EHD2: variants seen among roughly 807,000 people sequenced by gnomAD.
EHD2 encodes the protein EH domain containing 2, also known as EH domain-containing protein 2.
Under a neutral mutation model 41.0 loss-of-function variants are expected in EHD2, and 27 were observed. The observed-to-expected ratio is 0.66, with a 90% CI of 0.49 to 0.91. The LOEUF (loss-of-function observed/expected upper bound fraction) is 0.91. Ranked by LOEUF, EHD2 falls within the 40% of genes least tolerant of loss-of-function variation. EHD2 has a pLI of 0.00. For missense variants in EHD2, 673 were observed against 773.9 expected (o/e 0.87, Z 1.55); for synonymous variants, 342 against 341.0 (o/e 1.00, Z -0.03).
chr19:47,736,228 A>C, intron 4 of EHD2, 141 bp from the exon 5 acceptor site: 1 of 707,708 alleles, frequency 1.4e-6, no homozygotes, highest in Non-Finnish European at 2.2e-6. Context: ...AGAGAGAAAA[A>C]GAAATAAAAG....
At position 47,737,047 on chromosome 19, in the gene EHD2, C is replaced by T. The variant is rs184581806; in HGVS notation, c.1080+514C>T. On this transcript the variant is annotated intron_variant, in intron 5 of 5. Transcript: ENST00000263277. The stretch of plus-strand genomic sequence containing the variant: ...CAGATCAAGACCATCCTGGCTAACA[C>T]GGTGAAACCCCGTCTCTACTAAAAA... Among the ~76,000 whole-genome samples, 243 of 151,634 alleles carry T rather than the reference C, an allele frequency of 1.6e-3. 2 individuals carry two copies. The highest frequency in any genetic ancestry group is 0.015 in the East Asian group (77 of 5,098).
chr19:47,718,339 G>A (rs1437539901), intron 2 of EHD2, among the ~76,000 whole-genome samples, 170 bp from the exon 3 acceptor site: 2 of 151,598 alleles, frequency 1.3e-5, no homozygotes, highest in African/African-American at 4.9e-5. Context: ...CATGAGCTGT[G>A]GCTGGTTATA....
chr19:47,715,203 G>T (rs183378684), intron 1 of EHD2, among the ~76,000 whole-genome samples: 12 of 152,056 alleles, frequency 7.9e-5, no homozygotes, highest in Admixed American at 1.3e-4. Flanking sequence ...TATTTTTCTT[G>T]TTAACACCCA....
At chr19:47,724,991 A>C (rs1973734971) in intron 3 of EHD2, among the ~76,000 whole-genome samples, 3 of 47,190 alleles carry the variant, frequency 6.4e-5, no homozygotes, top group Non-Finnish European at 1.3e-4. Context: ...CAAAAAAAAA[A>C]AAAAAAAAAA....
At position 47,741,048 on chromosome 19, in the gene EHD2, C is replaced by T. The variant is rs1302475670; in HGVS notation, c.1248C>T (p.Gly416=). The change falls in exon 6 of 6, where the codon GGC becomes GGT. Residue 416 remains glycine, a synonymous_variant. Coordinates refer to ENST00000263277, the MANE Select transcript of EHD2 (RefSeq NM_014601.4). The surrounding 1 kb of genome is among the most constrained non-coding windows in gnomAD (Gnocchi z 4.5). ...EVGVQGGAFE[G]THMGPFVERG... ...GCGTGCAGGGGGGCGCTTTTGAGGG[C>T]ACCCACATGGGCCCGTTTGTGGAGC... 3.1e-6 allele frequency: 5 copies of T among 1,609,594 alleles called. No individual in the cohort carries two copies. Among genetic ancestry groups the T allele is most frequent in the Non-Finnish European group, 4.2e-6 (5 of 1,179,546 alleles).
chr19:47,731,286 A>ATATATATATG lies in EHD2; in HGVS notation c.915+5071_915+5072insGTATATATAT, dbSNP rs1476703933. The ATATATATATG allele has an allele frequency of 6.8e-5, 6 of 88,012 alleles. 1 individual carries two copies. Among genetic ancestry groups the ATATATATATG allele is most frequent in the Non-Finnish European group, 1.1e-4 (4 of 36,732 alleles). 5.5% of individuals were successfully genotyped at this position (88,012 alleles called of 1,614,324 possible). The stretch of plus-strand genomic sequence containing the variant: ...ATTCTTTAAAAAAAAAAAAATATAT[A>ATATATATATG]TATATATATATATATACATATATAT... On this transcript the variant is annotated intron_variant, in intron 4 of 5. Coordinates refer to ENST00000263277, the MANE Select transcript of EHD2 (RefSeq NM_014601.4).
chr19:47,741,018 G>C lies in EHD2; in HGVS notation c.1218G>C (p.Glu406Asp), dbSNP rs376115359. The C allele has an allele frequency of 6.2e-7, 1 of 1,610,586 alleles. No homozygotes were observed. The highest frequency in any genetic ancestry group is 1.7e-5 in the Admixed American group (1 of 59,924). The part of the protein sequence containing the change: ...LLRQEELEST[E>D]VGVQGGAFEG... Reference sequence around the variant, plus strand: ...GGCAGGAGGAGCTGGAGAGCACCGAGGTGGGCGTGCAGGGGGGCGCTTTTG... The same window carrying C: ...GGCAGGAGGAGCTGGAGAGCACCGACGTGGGCGTGCAGGGGGGCGCTTTTG... Residue 406 changes from glutamate (E) to aspartate (D), a missense_variant, in exon 6 of 6, where the codon GAG becomes GAC. Physicochemically the swap from Glu to Asp is conservative, Grantham distance 45. Coordinates refer to ENST00000263277, the MANE Select transcript of EHD2 (RefSeq NM_014601.4). The surrounding 1 kb of genome is among the most constrained non-coding windows in gnomAD (Gnocchi z 4.5).
chr19:47,718,653 CTGG>C lies in EHD2; in HGVS notation c.502+48_502+50del, dbSNP rs1237960556. ...GGTCTGAGGGAGGAGGGGCTGGGGC[CTGG>C]ACTCCTGGGTCTGAGGGAGGAGGGA... On this transcript the variant is annotated intron_variant, in intron 3 of 5. Transcript: ENST00000263277. The C allele has an allele frequency of 4.0e-6, 6 of 1,514,618 alleles. No individual in the cohort carries two copies. In the African/African-American group the frequency reaches 8.5e-5, roughly 21 times the overall value. The allele number at this position is 1,514,618 out of a possible 1,614,324, so 93.8% of individuals were successfully genotyped here.
intron 4 of EHD2, among the ~76,000 whole-genome samples, chr19:47,732,738 T>C (rs553625956): frequency 1.1e-4 from 16 of 152,280 alleles, no homozygotes; most frequent in South Asian, 1.0e-3. Context: ...CTATAAAATA[T>C]AGACATACCA....
chr19:47,713,785 A>T (rs1490891305), intron 1 of EHD2, among the ~76,000 whole-genome samples: 1 of 137,842 alleles, frequency 7.3e-6, no homozygotes, highest in Non-Finnish European at 1.6e-5. Context: ...AGTCTCCTCC[A>T]TCCTCCCCCA....
In EHD2 at chr19:47,736,410, C is replaced by T. The variant is rs369898716; in HGVS notation, c.957C>T (p.Pro319=). ...YIISYLKKEM[P]SVFGKENKKK... ...TCAGCTACCTGAAGAAGGAGATGCC[C>T]TCTGTGTTTGGGAAGGAGAACAAGA... The change falls in exon 5 of 6, where the codon CCC becomes CCT. Residue 319 remains proline, a synonymous_variant. Transcript: ENST00000263277. 2 of 1,613,396 alleles carry T rather than the reference C, an allele frequency of 1.2e-6. No individual in the cohort carries two copies. Among genetic ancestry groups the T allele is most frequent in the Admixed American group, 3.3e-5 (2 of 59,878 alleles).
chr19:47,734,216 T>A (rs1966899019), intron 4 of EHD2, among the ~76,000 whole-genome samples: 1 of 151,956 alleles, frequency 6.6e-6, no homozygotes, highest in South Asian at 2.1e-4. Flanking sequence ...GTGCCTGTAG[T>A]CCCAGCTACT....
intron 1 of EHD2, among the ~76,000 whole-genome samples, chr19:47,715,741 A>G (rs1973618370): frequency 6.6e-6 from 1 of 151,898 alleles, no homozygotes; most frequent in Non-Finnish European, 1.5e-5. Context: ...CAACCATGTC[A>G]CCATTAATCT....
intron 5 of EHD2, 78 bp downstream of exon 5, chr19:47,736,611 C>G: frequency 6.8e-7 from 1 of 1,467,252 alleles, no homozygotes; most frequent in Non-Finnish European, 9.1e-7. Flanking sequence ...GATGGGACCT[C>G]AAAAGCCAGA....
rs1388196227 is a variant in EHD2 at position 47,737,779 on chromosome 19, T to C, written c.1080+1246T>C. 3.9e-5 allele frequency among the ~76,000 whole-genome samples: 6 copies of C among 151,964 alleles called. No homozygotes were observed. In the East Asian group the frequency reaches 5.8e-4, roughly 15 times the overall value. On this transcript the variant is annotated intron_variant, in intron 5 of 5. Coordinates refer to ENST00000263277, the MANE Select transcript of EHD2 (RefSeq NM_014601.4). ...AGGCTGGAGTGCAATGGGGTGATCA[T>C]AGCTCACTGTGTACTTGAACTCCTG... is the stretch of plus-strand genomic sequence containing the variant.
At chr19:47,728,568 TTTC>T (rs905154122) in intron 4 of EHD2, among the ~76,000 whole-genome samples, 6 of 140,712 alleles carry the variant, frequency 4.3e-5, no homozygotes, top group East Asian at 3.9e-4. Flanking sequence ...TTTTTCTTTC[TTTC>T]TTTTTTTTTT....
chr19:47,735,890 C>G (rs1336737318), intron 4 of EHD2, among the ~76,000 whole-genome samples: 2 of 135,734 alleles, frequency 1.5e-5, no homozygotes, highest in Admixed American at 1.6e-4. Flanking sequence ...GGCAACAGAG[C>G]GAGACTCTGT....
Position 47,742,017 on chromosome 19 carries a change from C to A in EHD2, c.*585C>A. ...CCATCACATCCTCAGGTCTCGGGAC[C>A]ATGGGGGGCTCAGAGGGGAGACACA... On this transcript the variant is annotated 3_prime_UTR_variant, in exon 6 of 6. Coordinates refer to ENST00000263277, the MANE Select transcript of EHD2 (RefSeq NM_014601.4). The A allele has an allele frequency of 2.2e-6, 1 of 451,454 alleles. No homozygotes were observed. The allele number at this position is 451,454 out of a possible 1,614,324, so 28.0% of individuals were successfully genotyped here. A position where few individuals can be genotyped will look rare whatever the true frequency, so the allele number is the denominator to read the frequency against.
At position 47,733,751 on chromosome 19, in the gene EHD2, C is replaced by CAAAAAAAAAAAAAAAAAAAAAAAAAA. The variant is rs34254815; in HGVS notation, c.916-2594_916-2593insAAAAAAAAAAAAAAAAAAAAAAAAAA. ...TGGGTGACAGAGCAAGACTCTGTCT[C>CAAAAAAAAAAAAAAAAAAAAAAAAAA]AAAAAAAAAAAAAAAAAAAAAAAAT... is the stretch of plus-strand genomic sequence containing the variant. On this transcript the variant is annotated intron_variant, in intron 4 of 5. Coordinates refer to ENST00000263277, the MANE Select transcript of EHD2 (RefSeq NM_014601.4). 8.8e-5 allele frequency among the ~76,000 whole-genome samples: 5 copies of CAAAAAAAAAAAAAAAAAAAAAAAAAA among 57,116 alleles called. 1 individual carries two copies. Among genetic ancestry groups the CAAAAAAAAAAAAAAAAAAAAAAAAAA allele is most frequent in the East Asian group, 1.6e-3 (2 of 1,232 alleles). The allele number at this position is 57,116 out of a possible 152,430, so 37.5% of individuals were successfully genotyped here.
Sources: gnomAD v4.1 joint callset for allele counts (sites outside exome capture counted in the v4.1 genomes callset) on GRCh38, gnomAD v4.1.1 for gene constraint, Gnocchi (gnomAD v3.1) non-coding constraint, MANE v1.5 for transcripts, NCBI Gene and HGNC (gene_info 2026-07-23, HGNC 2026-07-21) for gene names.